Variants in KCNIP4 observed in about 807,000 individuals in gnomAD.
The protein encoded by KCNIP4 is potassium voltage-gated channel interacting protein 4.
In KCNIP4, 12 loss-of-function variants were observed where a neutral mutation model predicts 34.0. The observed-to-expected ratio is 0.35, with a 90% CI of 0.23 to 0.57. The LOEUF (loss-of-function observed/expected upper bound fraction) is 0.57, where lower values mean the gene tolerates loss of function less well. Ranked by LOEUF, KCNIP4 falls within the 20% of genes least tolerant of loss-of-function variation. KCNIP4 has a pLI of 0.83. For synonymous variants in KCNIP4, 124 were observed against 102.2 expected (o/e 1.21, Z -1.29); for missense variants, 238 against 311.7 (o/e 0.76, Z 1.78).
chr4:20,949,943 G>T (rs888650732), intron 1 of KCNIP4, among the ~76,000 whole-genome samples: 13 of 150,332 alleles, frequency 8.6e-5, no homozygotes, highest in African/African-American at 3.2e-4. Flanking sequence ...CACCAGCATG[G>T]CACATGTATA....
At chr4:20,767,995 T>G (rs1755561324) in intron 3 of KCNIP4, among the ~76,000 whole-genome samples, 1 of 152,190 alleles carries the variant, frequency 6.6e-6, no homozygotes, top group Admixed American at 6.5e-5. Flanking sequence ...AAAATAGTAT[T>G]TAGCATGTAG....
chr4:21,800,233 G>C lies in KCNIP4; in HGVS notation c.61+148338C>G, dbSNP rs28529738. On this transcript the variant is annotated intron_variant, in intron 1 of 8. Coordinates refer to ENST00000382152, the MANE Select transcript of KCNIP4 (RefSeq NM_025221.6). ...GGTACTACATTATTTCAAGATCACTGGGAATTTTGATTATGCTATAGGGCT... is the reference window on the plus strand; with the variant it reads ...GGTACTACATTATTTCAAGATCACTCGGAATTTTGATTATGCTATAGGGCT... 8.8e-3 allele frequency among the ~76,000 whole-genome samples: 1,346 copies of C among 152,206 alleles called. 23 individuals are homozygous for C. Among genetic ancestry groups the C allele is most frequent in the African/African-American group, 0.031 (1,283 of 41,548 alleles).
intron 1 of KCNIP4, among the ~76,000 whole-genome samples, chr4:21,936,798 A>ACT (rs1729886493): frequency 6.6e-6 from 1 of 151,268 alleles, no homozygotes; most frequent in Non-Finnish European, 1.5e-5. Flanking sequence ...GATTTTTAAA[A>ACT]CTCTCTTTTT....
chr4:21,101,188 C>G (rs983701032), intron 1 of KCNIP4, among the ~76,000 whole-genome samples: 2 of 152,110 alleles, frequency 1.3e-5, no homozygotes, highest in Non-Finnish European at 2.9e-5. Context: ...TTGTTCAGCT[C>G]CCACTTATAA....
At chr4:21,241,684 A>G (rs1020852350) in intron 1 of KCNIP4, among the ~76,000 whole-genome samples, 1 of 152,198 alleles carries the variant, frequency 6.6e-6, no homozygotes, top group African/African-American at 2.4e-5. Context: ...GTCATTCTCT[A>G]AGATGAAATG....
intron 1 of KCNIP4, among the ~76,000 whole-genome samples, chr4:21,351,789 A>T (rs890564180): frequency 1.3e-5 from 2 of 152,188 alleles, no homozygotes; most frequent in African/African-American, 4.8e-5. Context: ...AGCCAAGGAC[A>T]AAGGTCCCAG....
intron 1 of KCNIP4, among the ~76,000 whole-genome samples, chr4:21,716,574 CGGCTAGT>C (rs1714400624): frequency 6.6e-6 from 1 of 152,014 alleles, no homozygotes; most frequent in Non-Finnish European, 1.5e-5. Flanking sequence ...GAGGCAGAAA[CGGCTAGT>C]TCCTTAAAAC....
chr4:21,694,173 GTTGTATGGGTT>G (rs1226574759), intron 1 of KCNIP4, among the ~76,000 whole-genome samples: 1 of 152,174 alleles, frequency 6.6e-6, no homozygotes, highest in African/African-American at 2.4e-5. Flanking sequence ...ATGATAGGGT[GTTGTATGGGTT>G]CCTATCATAC....
In KCNIP4 at chr4:21,757,162, AGAAAGAAG is replaced by A. The variant is rs1235787974; in HGVS notation, c.61+191401_61+191408del. Among the ~76,000 whole-genome samples, 63 of 30,048 alleles carry A rather than the reference AGAAAGAAG, an allele frequency of 2.1e-3. 1 individual carries two copies. The highest frequency in any genetic ancestry group is 0.01 in the East Asian group (12 of 1,144). The allele number at this position is 30,048 out of a possible 152,430, so 19.7% of individuals were successfully genotyped here. On this transcript the variant is annotated intron_variant, in intron 1 of 8. Transcript: ENST00000382152. Reference sequence around the variant, plus strand: ...AAGAAAGAAAGAAAGAAAGAAAGAAAGAAAGAAGGAAGGAAGGAAGGAAGGAAGGAAGG... The same window carrying A: ...AAGAAAGAAAGAAAGAAAGAAAGAAAGAAGGAAGGAAGGAAGGAAGGAAGG...
At chr4:21,051,659 G>A (rs932959296) in intron 1 of KCNIP4, among the ~76,000 whole-genome samples, 4 of 151,822 alleles carry the variant, frequency 2.6e-5, no homozygotes, top group African/African-American at 9.7e-5. Context: ...AAAATTTTTG[G>A]CCCTGAACAC....
chr4:21,031,786 G>A (rs12233886), intron 1 of KCNIP4, among the ~76,000 whole-genome samples: 20,630 of 152,080 alleles, frequency 0.14, 1,674 homozygotes, highest in East Asian at 0.29. Flanking sequence ...TGGTCCCTCC[G>A]GCCAACTCTA....
intron 3 of KCNIP4, among the ~76,000 whole-genome samples, chr4:20,833,472 G>A (rs1718670053): frequency 6.8e-6 from 1 of 146,258 alleles, no homozygotes; most frequent in Non-Finnish European, 1.5e-5. Flanking sequence ...GCAACAGAGT[G>A]AGACCCCATC....
At chr4:21,504,478 AG>A (rs1314283889) in intron 1 of KCNIP4, among the ~76,000 whole-genome samples, 1,800 of 113,622 alleles carry the variant, frequency 0.016, 120 homozygotes, top group African/African-American at 0.055. Context: ...AAAAAAAAAA[AG>A]AAAGAAAGAA....
At chr4:21,095,001 T>C (rs1409618752) in intron 1 of KCNIP4, among the ~76,000 whole-genome samples, 1 of 152,174 alleles carries the variant, frequency 6.6e-6, no homozygotes, top group Non-Finnish European at 1.5e-5. Flanking sequence ...ATGTTTACAA[T>C]TGTATGAAAC....
chr4:21,100,918 G>T (rs928063767), intron 1 of KCNIP4, among the ~76,000 whole-genome samples: 1 of 151,244 alleles, frequency 6.6e-6, no homozygotes, highest in African/African-American at 2.4e-5. Context: ...ATGATTGTTT[G>T]TGTGTGTATG....
intron 1 of KCNIP4, among the ~76,000 whole-genome samples, chr4:21,246,780 G>GA (rs1760236167): frequency 2.0e-5 from 3 of 152,054 alleles, no homozygotes; most frequent in Non-Finnish European, 4.4e-5. Context: ...TAATGAAAAA[G>GA]AAAAATTAGT....
chr4:21,517,681 A>T (rs1263887041), intron 1 of KCNIP4, among the ~76,000 whole-genome samples: 3 of 152,170 alleles, frequency 2.0e-5, no homozygotes, highest in South Asian at 2.1e-4. Context: ...TTTCTGTAAC[A>T]GCAACCCTGT....
At chr4:21,805,555 G>A (rs1262825072) in intron 1 of KCNIP4, among the ~76,000 whole-genome samples, 1 of 152,028 alleles carries the variant, frequency 6.6e-6, no homozygotes, top group Admixed American at 6.6e-5. Context: ...CCCAGTCTCG[G>A]GTATATCTTT....
At chr4:21,654,697 G>A (rs1370329232) in intron 1 of KCNIP4, among the ~76,000 whole-genome samples, 1 of 152,054 alleles carries the variant, frequency 6.6e-6, no homozygotes, top group Middle Eastern at 3.2e-3. Context: ...GCCGAGGCAG[G>A]CAGATCACGA....
Sources: gnomAD v4.1 joint callset for allele counts (sites outside exome capture counted in the v4.1 genomes callset) on GRCh38, gnomAD v4.1.1 for gene constraint, MANE v1.5 for transcripts, NCBI Gene and HGNC (gene_info 2026-07-23, HGNC 2026-07-21) for gene names.